The following KAZN variants were observed in gnomAD, a reference collection of about 807,000 sequenced individuals.
KAZN encodes kazrin.
KAZN carries 40 observed loss-of-function variants against 87.4 expected under a neutral mutation model. The ratio of observed to expected loss-of-function variants is 0.46; its 90% CI spans 0.36 to 0.60. The LOEUF (loss-of-function observed/expected upper bound fraction) is 0.60, where lower values mean the gene tolerates loss of function less well. Among genes scored for constraint, KAZN ranks in the 20% least tolerant of loss-of-function variants. KAZN has a pLI of 0.00. For missense variants in KAZN, 898 were observed against 1,073.9 expected, an observed-to-expected ratio of 0.84 and a Z score of 2.29; for synonymous variants, 466 against 458.3, an observed-to-expected ratio of 1.02 and a Z score of -0.22.
rs56104480 is a variant in KAZN, at chr1:14,952,240, CTGTGTGTGTGTGTGTGTG to C, written c.227-8424_227-8407del. 1.0e-4 allele frequency among the ~76,000 whole-genome samples: 15 copies of C among 144,012 alleles called. No homozygotes were observed. The East Asian group carries it at 3.1e-3, about 30-fold the overall frequency. 94.5% of individuals were successfully genotyped at this position (144,012 alleles called of 152,430 possible). A position where few individuals can be genotyped will look rare whatever the true frequency, so the allele number is the denominator to read the frequency against. ...CTCTAGGCATCTGATTTCTTTCCCA[CTGTGTGTGTGTGTGTGTG>C]TGTGTGTGTGTGTGTGTGTCTCAAG... On this transcript the variant is annotated intron_variant, in intron 1 of 14. Coordinates refer to ENST00000376030, the MANE Select transcript of KAZN (RefSeq NM_201628.3).
chr1:15,070,635 C>T (rs779387817), intron 8 of KAZN, among the ~76,000 whole-genome samples: 1 of 152,188 alleles, frequency 6.6e-6, no homozygotes, highest in Non-Finnish European at 1.5e-5. Flanking sequence ...GAGCCTGAAC[C>T]GTGGGGGACA....
At chr1:14,742,817 A>T (rs1448176329) in intron 1 of KAZN, among the ~76,000 whole-genome samples, 2 of 152,162 alleles carry the variant, frequency 1.3e-5, no homozygotes, top group African/African-American at 2.4e-5. Flanking sequence ...GGAGCCAGGG[A>T]TGTAGAAGTG....
intron 2 of KAZN, among the ~76,000 whole-genome samples, chr1:14,343,214 G>C (rs995643932): frequency 1.3e-5 from 2 of 152,240 alleles, no homozygotes; most frequent in East Asian, 1.9e-4. Context: ...ATCCCACCTA[G>C]TGCTGTTTTC....
Position 15,111,153 on chromosome 1 carries a change from A to G in KAZN, c.2049-1274A>G, listed in dbSNP as rs115821582. 8.4e-3 allele frequency among the ~76,000 whole-genome samples: 1,277 copies of G among 152,262 alleles called. 21 individuals carry two copies. The highest frequency in any genetic ancestry group is 0.029 in the African/African-American group (1,218 of 41,544). ...GAGAACGTAGCTCATTTGCCATTCA[A>G]TCAGTGCTGTCTCCTACACACCACT... On this transcript the variant is annotated intron_variant, in intron 13 of 14. Coordinates refer to ENST00000376030, the MANE Select transcript of KAZN (RefSeq NM_201628.3).
chr1:13,896,874 C>T (rs1168090722), intron 1 of KAZN, among the ~76,000 whole-genome samples: 1 of 152,110 alleles, frequency 6.6e-6, no homozygotes, highest in Admixed American at 6.5e-5. Flanking sequence ...TAAAGGGCGC[C>T]TAGGATTTAG....
intron 2 of KAZN, among the ~76,000 whole-genome samples, chr1:14,974,043 A>G (rs111781224): frequency 6.6e-6 from 1 of 151,970 alleles, no homozygotes; most frequent in Non-Finnish European, 1.5e-5. Context: ...CTTCACTCAC[A>G]TATCTGGTGC....
chr1:14,183,451 T>A (rs1646240600), intron 2 of KAZN, among the ~76,000 whole-genome samples: 1 of 152,142 alleles, frequency 6.6e-6, no homozygotes. Context: ...CATTTCCTTT[T>A]TAGTTTGCAG....
intron 6 of KAZN, chr1:15,062,997 A>C (rs981691607): frequency 6.5e-6 from 1 of 152,942 alleles, no homozygotes; most frequent in East Asian, 1.9e-4. Context: ...ACAGCCCCCA[A>C]TTGGAGCTGT....
intron 2 of KAZN, among the ~76,000 whole-genome samples, chr1:14,545,426 A>T (rs897354057): frequency 6.6e-6 from 1 of 152,208 alleles, no homozygotes; most frequent in African/African-American, 2.4e-5. Flanking sequence ...GCTCCACCAC[A>T]TGCCCGCTCC....
At chr1:14,280,534 C>G (rs561164822) in intron 2 of KAZN, among the ~76,000 whole-genome samples, 1 of 152,036 alleles carries the variant, frequency 6.6e-6, no homozygotes, top group East Asian at 1.9e-4. Flanking sequence ...CATCTCCAAG[C>G]CAAGGAGCAC....
intron 2 of KAZN, among the ~76,000 whole-genome samples, chr1:14,508,643 G>A (rs544097374): frequency 1.7e-4 from 26 of 152,284 alleles, no homozygotes; most frequent in Admixed American, 5.2e-4. Flanking sequence ...AAGAGTTGCC[G>A]TAAGTGGAGG....
At chr1:14,387,714 C>CA (rs535221610) in intron 2 of KAZN, among the ~76,000 whole-genome samples, 4,747 of 152,016 alleles carry the variant, frequency 0.031, 145 homozygotes, top group South Asian at 0.11. Context: ...CTGCTCTCTT[C>CA]AAAGCTGTCA....
At chr1:13,927,411 T>C (rs1640323866) in intron 1 of KAZN, among the ~76,000 whole-genome samples, 1 of 152,232 alleles carries the variant, frequency 6.6e-6, no homozygotes, top group South Asian at 2.1e-4. Context: ...TAAAAGGGTT[T>C]GAGCAGGAGG....
At chr1:14,219,801 C>T (rs955545187) in intron 2 of KAZN, among the ~76,000 whole-genome samples, 1 of 152,166 alleles carries the variant, frequency 6.6e-6, no homozygotes, top group African/African-American at 2.4e-5. Flanking sequence ...TGTGCTCTTA[C>T]TTTAAAAACC....
chr1:14,321,185 T>C (rs1465342040), intron 2 of KAZN, among the ~76,000 whole-genome samples: 1 of 152,132 alleles, frequency 6.6e-6, no homozygotes, highest in Non-Finnish European at 1.5e-5. Context: ...GCTTACAAAA[T>C]TTGGTTTGTC....
At chr1:14,675,281 T>C (rs1158189188) in intron 1 of KAZN, among the ~76,000 whole-genome samples, 1 of 152,238 alleles carries the variant, frequency 6.6e-6, no homozygotes, top group Non-Finnish European at 1.5e-5. Flanking sequence ...TTGAACTGAC[T>C]GTTGAACTGG....
intron 1 of KAZN, among the ~76,000 whole-genome samples, chr1:14,725,411 T>G (rs1332193895): frequency 2.0e-5 from 3 of 152,164 alleles, no homozygotes; most frequent in Non-Finnish European, 4.4e-5. Context: ...CTTTATTCAT[T>G]ATTCATTATT....
intron 1 of KAZN, among the ~76,000 whole-genome samples, chr1:14,025,632 C>T (rs6680521): frequency 0.025 from 3,874 of 152,238 alleles, 174 homozygotes; most frequent in African/African-American, 0.089. Flanking sequence ...GATGGATATA[C>T]GTTATATTTT....
intron 1 of KAZN, among the ~76,000 whole-genome samples, chr1:14,613,772 T>G (rs1572049552): frequency 6.6e-6 from 1 of 152,150 alleles, no homozygotes; most frequent in Non-Finnish European, 1.5e-5. Flanking sequence ...GGCCCACAGG[T>G]TGGGCCCGGA....
Sources: allele counts gnomAD v4.1 joint callset (sites outside exome capture counted in the v4.1 genomes callset), GRCh38; gene constraint gnomAD v4.1.1; transcripts MANE v1.5; gene names NCBI Gene and HGNC (gene_info 2026-07-23, HGNC 2026-07-21).